The following SLC24A3 variants were observed in gnomAD, a reference collection of about 807,000 sequenced individuals.
The protein encoded by SLC24A3 is solute carrier family 24 member 3, also known as sodium/potassium/calcium exchanger 3.
A neutral mutation model predicts 75.8 loss-of-function variants in SLC24A3; 28 were observed. The observed-to-expected ratio is 0.37, with a 90% CI of 0.27 to 0.51. The LOEUF (loss-of-function observed/expected upper bound fraction) is 0.51, where lower values mean the gene tolerates loss of function less well. Among genes scored for constraint, SLC24A3 ranks in the 20% least tolerant of loss-of-function variants. SLC24A3 has a pLI of 0.94. For missense variants in SLC24A3, 663 were observed against 847.8 expected (o/e 0.78, Z 2.71); for synonymous variants, 372 against 334.1 (o/e 1.11, Z -1.24).
intron 11 of SLC24A3, 95 bp downstream of exon 11, chr20:19,684,431 C>T: frequency 7.1e-7 from 1 of 1,413,534 alleles, no homozygotes. Context: ...AAGCACCTAA[C>T]TCAAAGTTTA....
intron 2 of SLC24A3, among the ~76,000 whole-genome samples, chr20:19,407,088 T>C (rs1231577690): frequency 1.3e-5 from 2 of 152,162 alleles, no homozygotes; most frequent in African/African-American, 2.4e-5. Context: ...AGGATATCAA[T>C]TGACAATTAC....
chr20:19,556,567 C>A (rs1216063218), intron 3 of SLC24A3, among the ~76,000 whole-genome samples: 2 of 127,810 alleles, frequency 1.6e-5, no homozygotes, highest in Admixed American at 1.7e-4. Context: ...ACTGTAGTGG[C>A]CAGTGTGTGA....
chr20:19,304,955 ATG>A (rs1472395291), intron 2 of SLC24A3, among the ~76,000 whole-genome samples: 2 of 152,146 alleles, frequency 1.3e-5, no homozygotes, highest in Non-Finnish European at 2.9e-5. Flanking sequence ...TCCTTTTTGA[ATG>A]CAAAGTAACA....
intron 2 of SLC24A3, among the ~76,000 whole-genome samples, chr20:19,300,278 A>G (rs1984164649): frequency 6.6e-6 from 1 of 152,190 alleles, no homozygotes; most frequent in Non-Finnish European, 1.5e-5. Context: ...TAAAAACAAT[A>G]CAGCTTCCAC....
At chr20:19,656,220 AC>A (rs1053050728) in intron 7 of SLC24A3, among the ~76,000 whole-genome samples, 13 of 152,222 alleles carry the variant, frequency 8.5e-5, no homozygotes, top group African/African-American at 7.2e-5. Flanking sequence ...ACAAACCATC[AC>A]AAGGTTTGCC....
chr20:19,568,438 G>A (rs1244871096), intron 3 of SLC24A3, among the ~76,000 whole-genome samples: 1 of 152,144 alleles, frequency 6.6e-6, no homozygotes, highest in Non-Finnish European at 1.5e-5. Context: ...TATAAAGGAG[G>A]GAAATTCTAA....
At chr20:19,712,551 C>T (rs1317066296) in intron 15 of SLC24A3, among the ~76,000 whole-genome samples, 1 of 152,120 alleles carries the variant, frequency 6.6e-6, no homozygotes, top group Non-Finnish European at 1.5e-5. Flanking sequence ...CAGGAGTGTG[C>T]TTAAGGTGCT....
intron 2 of SLC24A3, among the ~76,000 whole-genome samples, chr20:19,343,910 G>T (rs1232151063): frequency 1.3e-5 from 2 of 152,138 alleles, no homozygotes; most frequent in Non-Finnish European, 2.9e-5. Context: ...AGCATAAAGG[G>T]CCTGGACTCG....
Position 19,236,618 on chromosome 20 carries a change from T to G in SLC24A3, c.142+23634T>G, listed in dbSNP as rs372807615. Among the ~76,000 whole-genome samples the G allele has an allele frequency of 2.1e-3, 312 of 152,142 alleles. 9 individuals are homozygous for G. In the South Asian group the frequency reaches 0.058, roughly 29 times the overall value. The stretch of plus-strand genomic sequence containing the variant: ...AAAATATGCAAAAATTGGCCAGGCA[T>G]GGTGGTGCATGCCTGTATTCCCAGC... On this transcript the variant is annotated intron_variant, in intron 1 of 16. Coordinates refer to ENST00000328041, the MANE Select transcript of SLC24A3 (RefSeq NM_020689.4).
At chr20:19,703,168 G>T (rs534695660) in intron 15 of SLC24A3, among the ~76,000 whole-genome samples, 1 of 152,240 alleles carries the variant, frequency 6.6e-6, no homozygotes, top group African/African-American at 2.4e-5. Flanking sequence ...CCTTGAGAGG[G>T]CATTTAATAA....
At chr20:19,557,245 T>C (rs1266800196) in intron 3 of SLC24A3, among the ~76,000 whole-genome samples, 1 of 152,178 alleles carries the variant, frequency 6.6e-6, no homozygotes, top group Non-Finnish European at 1.5e-5. Flanking sequence ...CTCCCAATTA[T>C]CAGTATACTG....
At chr20:19,443,816 TG>T (rs1987335387) in intron 2 of SLC24A3, among the ~76,000 whole-genome samples, 1 of 152,226 alleles carries the variant, frequency 6.6e-6, no homozygotes, top group East Asian at 1.9e-4. Context: ...TCCCCATAAC[TG>T]GGGAGTGCTC....
At position 19,678,782 on chromosome 20, in the gene SLC24A3, C is replaced by T. The variant is rs1488377088; in HGVS notation, c.768-3076C>T. ...CCGGGCGGAGGGGCTCCTCACTTCT[C>T]AGACGGGGCGGTTGCCGGGCGGAGG... On this transcript the variant is annotated intron_variant, in intron 9 of 16. Transcript: ENST00000328041. Among the ~76,000 whole-genome samples the T allele has an allele frequency of 2.0e-5, 3 of 149,250 alleles. No homozygotes were observed. In the East Asian group the frequency reaches 6.4e-4, roughly 32 times the overall value.
intron 8 of SLC24A3, among the ~76,000 whole-genome samples, chr20:19,669,761 T>C (rs1219897936): frequency 6.6e-6 from 1 of 152,136 alleles, no homozygotes; most frequent in Non-Finnish European, 1.5e-5. Flanking sequence ...AAACAGCTTT[T>C]GCTGTTCTGG....
chr20:19,704,405 T>C (rs188437669), intron 15 of SLC24A3, among the ~76,000 whole-genome samples: 48 of 152,332 alleles, frequency 3.2e-4, no homozygotes, highest in Non-Finnish European at 6.2e-4. Context: ...ATGATTATTC[T>C]TTCAACCAGG....
intron 6 of SLC24A3, among the ~76,000 whole-genome samples, chr20:19,611,458 A>G (rs1600302378): frequency 6.6e-6 from 1 of 152,204 alleles, no homozygotes. Context: ...AGTAGCCCAT[A>G]CATGATTGTC....
intron 2 of SLC24A3, among the ~76,000 whole-genome samples, chr20:19,316,899 T>C (rs1209407395): frequency 6.6e-6 from 1 of 152,188 alleles, no homozygotes; most frequent in East Asian, 1.9e-4. Flanking sequence ...CATAGGTAAA[T>C]GTGTGCCATT....
intron 12 of SLC24A3, among the ~76,000 whole-genome samples, chr20:19,689,539 C>G (rs1337328610): frequency 6.6e-6 from 1 of 152,142 alleles, no homozygotes; most frequent in Non-Finnish European, 1.5e-5. Context: ...ACCCCCAGGA[C>G]CTGCAGCAGT....
chr20:19,563,999 G>T (rs1249102844), intron 3 of SLC24A3, among the ~76,000 whole-genome samples: 1 of 152,102 alleles, frequency 6.6e-6, no homozygotes, highest in Non-Finnish European at 1.5e-5. Context: ...AATTTCAAAG[G>T]CCTCTAGAAA....
Sources: allele counts gnomAD v4.1 joint callset (sites outside exome capture counted in the v4.1 genomes callset), GRCh38; gene constraint gnomAD v4.1.1; transcripts MANE v1.5; gene names NCBI Gene and HGNC (gene_info 2026-07-23, HGNC 2026-07-21).